The following PPP6C variants were observed in gnomAD, a reference collection of about 807,000 sequenced individuals.
PPP6C encodes the protein serine/threonine-protein phosphatase 6 catalytic subunit.
Under a neutral mutation model 39.8 loss-of-function variants are expected in PPP6C, and 11 were observed. That is an observed-to-expected ratio of 0.28 (90% confidence interval 0.17 to 0.46). The LOEUF (loss-of-function observed/expected upper bound fraction) is 0.46. PPP6C is among the 20% of genes least tolerant of loss of function. The pLI, the probability that PPP6C is intolerant of heterozygous loss-of-function variation, is 1.00. For missense variants in PPP6C, 211 were observed against 373.9 expected, an observed-to-expected ratio of 0.56 and a Z score of 3.59; for synonymous variants, 129 against 130.3, an observed-to-expected ratio of 0.99 and a Z score of 0.07.
intron 2 of PPP6C, among the ~76,000 whole-genome samples, chr9:125,164,722 C>A (rs1001624052): frequency 6.6e-6 from 1 of 152,148 alleles, no homozygotes; most frequent in Non-Finnish European, 1.5e-5. Context: ...CATATATGTA[C>A]CACTTTACCC....
At position 125,153,932 on chromosome 9, in the gene PPP6C, C is replaced by T. The variant is rs767857882; in HGVS notation, c.433G>A (p.Val145Ile). The T allele has an allele frequency of 6.2e-7, 1 of 1,611,856 alleles. No homozygotes were observed. The highest frequency in any genetic ancestry group is 1.7e-5 in the Admixed American group (1 of 59,986). Reference sequence around the variant, plus strand: ...GCTGCTACTGTGAGCATGTCAAAAACTTTGGTACAGTATCTCCAGGCATTA... The same window carrying T: ...GCTGCTACTGTGAGCATGTCAAAAATTTTGGTACAGTATCTCCAGGCATTA... The part of the protein sequence containing the change: ...NANAWRYCTK[V>I]FDMLTVAALI... The change falls in exon 5 of 7, where the codon GTT becomes ATT. Residue 145 changes from valine (V) to isoleucine (I), a missense_variant. Around this residue, in one of 2 missense-constraint regions of PPP6C, gnomAD observed 168 missense variants for 342.6 expected, o/e 0.49. Coordinates refer to ENST00000373547, the MANE Select transcript of PPP6C (RefSeq NM_002721.5).
intron 1 of PPP6C, among the ~76,000 whole-genome samples, chr9:125,188,354 C>T (rs1483563661): frequency 6.6e-6 from 1 of 151,806 alleles, no homozygotes; most frequent in Non-Finnish European, 1.5e-5. Flanking sequence ...CACCGCACTC[C>T]GGCCTGGGCG....
At chr9:125,156,974 C>T (rs1836092482) in intron 4 of PPP6C, among the ~76,000 whole-genome samples, 2 of 151,928 alleles carry the variant, frequency 1.3e-5, no homozygotes, top group Admixed American at 6.6e-5. Context: ...CCACCATGCC[C>T]GGCTAAATTT....
intron 2 of PPP6C, among the ~76,000 whole-genome samples, chr9:125,163,959 T>A (rs971946725): frequency 6.6e-6 from 1 of 151,580 alleles, no homozygotes; most frequent in African/African-American, 2.4e-5. Context: ...GTGATTTTCC[T>A]GCCTCAGCCT....
chr9:125,151,309 T>A, intron 6 of PPP6C: 2 of 1,474,764 alleles, frequency 1.4e-6, no homozygotes, highest in South Asian at 1.1e-5. Flanking sequence ...TGGTTGACAC[T>A]TGTGGCACAA....
intron 2 of PPP6C, among the ~76,000 whole-genome samples, chr9:125,166,540 T>TC (rs1200490585): frequency 6.6e-6 from 1 of 150,786 alleles, no homozygotes; most frequent in Non-Finnish European, 1.5e-5. Flanking sequence ...TTTTTCTTTT[T>TC]TTTTTTTTTT....
intron 1 of PPP6C, among the ~76,000 whole-genome samples, chr9:125,178,952 C>T (rs868817063): frequency 2.6e-5 from 4 of 152,082 alleles, no homozygotes; most frequent in South Asian, 2.1e-4. Flanking sequence ...TGGTGGCTCA[C>T]GTCTGTAATC....
At chr9:125,150,040 C>T (rs1835898956) in intron 6 of PPP6C, 119 bp from the exon 7 acceptor site, 4 of 1,248,726 alleles carry the variant, frequency 3.2e-6, no homozygotes, top group Admixed American at 2.8e-5. Flanking sequence ...ATAGAACGCA[C>T]TCTATAATTA....
At chr9:125,174,820 G>A (rs944502409) in intron 1 of PPP6C, among the ~76,000 whole-genome samples, 1 of 152,122 alleles carries the variant, frequency 6.6e-6, no homozygotes, top group African/African-American at 2.4e-5. Context: ...GTTGAGACAG[G>A]AGAATCGCTT....
At chr9:125,151,445 G>C in intron 6 of PPP6C, 1 of 815,500 alleles carries the variant, frequency 1.2e-6, no homozygotes, top group Non-Finnish European at 2.2e-6. Context: ...AGCAGTAGTA[G>C]TCACCAATAA....
intron 1 of PPP6C, among the ~76,000 whole-genome samples, chr9:125,175,474 T>TAA (rs979757753): frequency 6.7e-6 from 1 of 149,246 alleles, no homozygotes; most frequent in Non-Finnish European, 1.5e-5. Context: ...CCGTCTCTAC[T>TAA]AAAAAAAAAT....
rs1835936420 is a variant in PPP6C at position 125,151,333 on chromosome 9, T to C, written c.670-1412A>G. The C allele has an allele frequency of 2.8e-6, 4 of 1,423,162 alleles. No homozygotes were observed. In the African/African-American group the frequency reaches 5.6e-5, roughly 20 times the overall value. The allele number at this position is 1,423,162 out of a possible 1,614,324, so 88.2% of individuals were successfully genotyped here. ...CTTGTGGCACAATCTGCCATGCAGC[T>C]GACAAACTTCTCTCAGCTGGAGTCA... On this transcript the variant is annotated intron_variant, in intron 6 of 6. Transcript: ENST00000373547.
At chr9:125,177,782 T>A (rs1382658920) in intron 1 of PPP6C, among the ~76,000 whole-genome samples, 1 of 152,190 alleles carries the variant, frequency 6.6e-6, no homozygotes, top group Non-Finnish European at 1.5e-5. Flanking sequence ...CATTATAGTA[T>A]CATACAGAAT....
At chr9:125,188,573 G>A (rs1026471490) in intron 1 of PPP6C, among the ~76,000 whole-genome samples, 2 of 151,594 alleles carry the variant, frequency 1.3e-5, no homozygotes, top group Admixed American at 1.3e-4. Context: ...ATCACTTGAG[G>A]TCAGGAGTTC....
chr9:125,151,348 A>G, intron 6 of PPP6C: 1 of 1,334,358 alleles, frequency 7.5e-7, no homozygotes. Context: ...AACTTCTCTC[A>G]GCTGGAGTCA....
chr9:125,166,253 T>C (rs1033395319), intron 2 of PPP6C, among the ~76,000 whole-genome samples: 2 of 152,214 alleles, frequency 1.3e-5, no homozygotes, highest in African/African-American at 4.8e-5. Context: ...AGGAAAGTCT[T>C]TTAAGTGTCG....
intron 1 of PPP6C, among the ~76,000 whole-genome samples, chr9:125,187,622 T>C (rs991795695): frequency 1.3e-5 from 2 of 151,806 alleles, no homozygotes; most frequent in Non-Finnish European, 2.9e-5. Flanking sequence ...AACACAAAGT[T>C]CAAAAAAGCT....
At chr9:125,172,817 C>T (rs1411712307) in intron 1 of PPP6C, among the ~76,000 whole-genome samples, 1 of 151,844 alleles carries the variant, frequency 6.6e-6, no homozygotes, top group African/African-American at 2.4e-5. Flanking sequence ...AGGTGATGAT[C>T]TTGGGTTGTA....
chr9:125,160,827 T>C lies in PPP6C; in HGVS notation c.237+14A>G. The C allele has an allele frequency of 1.3e-6, 2 of 1,534,424 alleles. No homozygotes were observed. The highest frequency in any genetic ancestry group is 1.8e-6 in the Non-Finnish European group (2 of 1,132,778). ...ATTTTAAACAAGCACTTGATATCAC[T>C]GGTGTTTACATACCATAAATATGTA... On this transcript the variant is annotated intron_variant, in intron 3 of 6. Coordinates refer to ENST00000373547, the MANE Select transcript of PPP6C (RefSeq NM_002721.5).
Sources: gnomAD v4.1 joint callset for allele counts (sites outside exome capture counted in the v4.1 genomes callset) on GRCh38, gnomAD v4.1.1 for gene constraint, gnomAD v4.1.1 regional missense constraint, MANE v1.5 for transcripts, NCBI Gene and HGNC (gene_info 2026-07-23, HGNC 2026-07-21) for gene names.